ZC3H3: variants seen among roughly 807,000 people sequenced by gnomAD.
The protein encoded by ZC3H3 is zinc finger CCCH domain-containing protein 3.
Under a neutral mutation model 77.3 loss-of-function variants are expected in ZC3H3, and 36 were observed. The observed-to-expected ratio is 0.47, with a 90% CI of 0.36 to 0.61. The LOEUF (loss-of-function observed/expected upper bound fraction) is 0.61, where lower values mean the gene tolerates loss of function less well. Among genes scored for constraint, ZC3H3 ranks in the 20% least tolerant of loss-of-function variants. ZC3H3 has a pLI of 0.00. For synonymous variants in ZC3H3, 626 were observed against 555.2 expected (o/e 1.13, Z -1.79); for missense variants, 1,331 against 1,312.2 (o/e 1.01, Z -0.22).
chr8:143,452,587 C>G (rs1820016688), intron 9 of ZC3H3, among the ~76,000 whole-genome samples: 1 of 151,564 alleles, frequency 6.6e-6, no homozygotes, highest in Non-Finnish European at 1.5e-5. Context: ...ACATGCAATA[C>G]AAACATGCTG....
At chr8:143,499,290 G>A (rs1204550942) in intron 4 of ZC3H3, among the ~76,000 whole-genome samples, 1 of 152,108 alleles carries the variant, frequency 6.6e-6, no homozygotes, top group East Asian at 1.9e-4. Flanking sequence ...GGAGGTTGAG[G>A]ATGCCATGCA....
At chr8:143,440,456 C>T (rs916193589) in intron 10 of ZC3H3, 93 bp from the exon 11 acceptor site, 7 of 1,448,318 alleles carry the variant, frequency 4.8e-6, no homozygotes, top group Admixed American at 5.5e-5. Flanking sequence ...TTCCTGCTCC[C>T]GTGGCCCTCC....
chr8:143,528,346 C>T (rs888969040), intron 3 of ZC3H3, among the ~76,000 whole-genome samples: 1 of 152,220 alleles, frequency 6.6e-6, no homozygotes, highest in African/African-American at 2.4e-5. Context: ...GTGGGGCCAG[C>T]GGCCACGCCT....
intron 4 of ZC3H3, among the ~76,000 whole-genome samples, chr8:143,491,348 C>T (rs960907435): frequency 3.3e-5 from 5 of 152,264 alleles, no homozygotes; most frequent in African/African-American, 9.6e-5. Context: ...CACGGAACCA[C>T]GCTGTGGCCT....
intron 9 of ZC3H3, among the ~76,000 whole-genome samples, chr8:143,452,746 C>G (rs1256806166): frequency 6.6e-6 from 1 of 152,114 alleles, no homozygotes; most frequent in Non-Finnish European, 1.5e-5. Context: ...AACTGGAAGA[C>G]AGAATAACAG....
intron 9 of ZC3H3, among the ~76,000 whole-genome samples, chr8:143,448,047 C>A (rs7827427): frequency 0.018 from 2,723 of 152,210 alleles, 83 homozygotes; most frequent in African/African-American, 0.063. Context: ...ATTGCTTAAA[C>A]CCGAGAGGCG....
rs149216391 is a variant in ZC3H3 at position 143,538,104 on chromosome 8, T to G, written c.1263A>C (p.Ala421=). The G allele has an allele frequency of 5.0e-5, 80 of 1,613,162 alleles. 1 individual carries two copies. The Middle Eastern group carries it at 9.9e-4, about 20-fold the overall frequency. ...GGGGCTTCAAGCCACTGTGTCCTAC[T>G]GCTGGTCTGTCCCCCGACGGGGACC... is the stretch of plus-strand genomic sequence containing the variant. ...LSRSPSGDRP[A]VGHSGLKPLS... Residue 421 remains alanine (A), a synonymous_variant, in exon 2 of 12, where the codon GCA becomes GCC. Transcript: ENST00000262577.
intron 5 of ZC3H3, among the ~76,000 whole-genome samples, chr8:143,470,289 G>A (rs1309620958): frequency 3.9e-5 from 6 of 152,244 alleles, no homozygotes; most frequent in African/African-American, 7.2e-5. Flanking sequence ...CAGCGAGCCC[G>A]GCTGGGGCAG....
At chr8:143,451,589 G>A (rs533277055) in intron 9 of ZC3H3, among the ~76,000 whole-genome samples, 1 of 152,024 alleles carries the variant, frequency 6.6e-6, no homozygotes, top group South Asian at 2.1e-4. Context: ...TTCAAGACCA[G>A]CCTGGCCAAC....
chr8:143,521,587 G>C (rs962513674), intron 3 of ZC3H3, among the ~76,000 whole-genome samples: 3 of 152,192 alleles, frequency 2.0e-5, no homozygotes, highest in African/African-American at 7.2e-5. Flanking sequence ...GGCACCCACC[G>C]GGGCAGGCAG....
chr8:143,458,206 T>C (rs1444013221), intron 9 of ZC3H3, among the ~76,000 whole-genome samples: 1 of 152,190 alleles, frequency 6.6e-6, no homozygotes, highest in Non-Finnish European at 1.5e-5. Context: ...CAAACAATTA[T>C]ACACACATAA....
At chr8:143,514,062 T>C (rs1563871773) in intron 3 of ZC3H3, among the ~76,000 whole-genome samples, 1 of 152,150 alleles carries the variant, frequency 6.6e-6, no homozygotes, top group African/African-American at 2.4e-5. Context: ...TGCTCACCCC[T>C]GGCACTTCCA....
In ZC3H3 at chr8:143,475,501, G is replaced by A; in HGVS notation, c.1800C>T (p.Gly600=). The change falls in exon 5 of 12, where the codon GGC becomes GGT. Residue 600 remains glycine, a synonymous_variant. Transcript: ENST00000262577. ...AGAGGACCCCTCCGATGCAGCGGTA[G>A]CCTTTGCTCCGCCACCAAGGGGAGC... ...QPGSPWWRSK[G]YRCIGGVLYK... The A allele has an allele frequency of 6.2e-7, 1 of 1,612,868 alleles. No individual in the cohort carries two copies. The highest frequency in any genetic ancestry group is 1.1e-5 in the South Asian group (1 of 91,012).
At chr8:143,472,083 C>T in intron 5 of ZC3H3, among the ~76,000 whole-genome samples, 1 of 152,254 alleles carries the variant, frequency 6.6e-6, no homozygotes, top group Admixed American at 6.5e-5. Flanking sequence ...GGCGGGCCTC[C>T]CCAGGGGCAG....
chr8:143,523,456 G>C (rs1822315468), intron 3 of ZC3H3: 5 of 985,432 alleles, frequency 5.1e-6, no homozygotes, highest in Non-Finnish European at 6.0e-6. Flanking sequence ...GGTGTTTGCA[G>C]CCATCTTGGA....
rs35759992 is a variant in ZC3H3, at chr8:143,440,216, T to TGAGGAGGAGGAG, written c.2628_2639dup (p.Ser878_Ser881dup). On this transcript the variant is annotated inframe_insertion, in exon 11 of 12. Coordinates refer to ENST00000262577, the MANE Select transcript of ZC3H3 (RefSeq NM_015117.3). ...CGTGGTCCAAGGAAGCGGGAGGGGATGAGGAGGAGGAGGAGGAGGAGGAAG... is the reference window on the plus strand; with the variant it reads ...CGTGGTCCAAGGAAGCGGGAGGGGATGAGGAGGAGGAGGAGGAGGAGGAGGAGGAGGAGGAAG... 6.0e-5 allele frequency: 94 copies of TGAGGAGGAGGAG among 1,568,186 alleles called. No individual in the cohort carries two copies. The South Asian group carries it at 9.8e-4, about 16-fold the overall frequency.
chr8:143,541,416 C>T lies in ZC3H3; in HGVS notation c.6G>A (p.Glu2=), dbSNP rs1823014539. The change falls in exon 1 of 12, where the codon GAG becomes GAA. Residue 2 remains glutamate, a synonymous_variant. Transcript: ENST00000262577. M[E]EKEILRRQIR... Reference sequence around the variant, plus strand: ...TCTGCCGCCGTAATATCTCCTTTTCCTCCATCTCCCGAGTCCGCGACGGCC... The same window carrying T: ...TCTGCCGCCGTAATATCTCCTTTTCTTCCATCTCCCGAGTCCGCGACGGCC... 2 of 1,611,956 alleles carry T rather than the reference C, an allele frequency of 1.2e-6. No homozygotes were observed. The highest frequency in any genetic ancestry group is 1.1e-5 in the South Asian group (1 of 90,918).
intron 9 of ZC3H3, among the ~76,000 whole-genome samples, chr8:143,464,561 C>T (rs1425312908): frequency 5.3e-5 from 8 of 152,216 alleles, no homozygotes. Flanking sequence ...GTGCGTGGCC[C>T]AGCTTCTACA....
chr8:143,532,940 C>T (rs988324220), intron 3 of ZC3H3, among the ~76,000 whole-genome samples: 1 of 152,212 alleles, frequency 6.6e-6, no homozygotes, highest in Non-Finnish European at 1.5e-5. Context: ...CTCGGCCTCT[C>T]ACCTCCGCGC....
Sources: allele counts gnomAD v4.1 joint callset (sites outside exome capture counted in the v4.1 genomes callset), GRCh38; gene constraint gnomAD v4.1.1; transcripts MANE v1.5; gene names NCBI Gene and HGNC (gene_info 2026-07-23, HGNC 2026-07-21).